The following KIAA0232 variants were observed in gnomAD, a reference collection of about 807,000 sequenced individuals.
KIAA0232 encodes the protein uncharacterized protein KIAA0232.
KIAA0232 carries 27 observed loss-of-function variants against 122.0 expected under a neutral mutation model. The observed-to-expected ratio is 0.22, with a 90% CI of 0.16 to 0.31. KIAA0232 has a LOEUF of 0.31. Ranked by LOEUF, KIAA0232 falls within the 10% of genes least tolerant of loss-of-function variation. The pLI, the probability that KIAA0232 is intolerant of heterozygous loss-of-function variation, is 1.00. For synonymous variants in KIAA0232, 613 were observed against 587.6 expected (o/e 1.04, Z -0.63); for missense variants, 1,551 against 1,634.2 (o/e 0.95, Z 0.88).
chr4:6,802,436 A>G (rs1047337912), intron 1 of KIAA0232, among the ~76,000 whole-genome samples: 1 of 151,926 alleles, frequency 6.6e-6, no homozygotes, highest in Non-Finnish European at 1.5e-5. Flanking sequence ...GTTGGACAAT[A>G]TTTTTCTTAG....
chr4:6,790,999 A>G (rs1716868814), intron 1 of KIAA0232, among the ~76,000 whole-genome samples: 1 of 143,890 alleles, frequency 6.9e-6, no homozygotes, highest in African/African-American at 2.6e-5. Flanking sequence ...GCTTACTGCA[A>G]CCTCCACCTC....
rs1718381355 is a variant in KIAA0232 at position 6,820,677 on chromosome 4, T to A, written c.-269-3508T>A. 1.2e-4 allele frequency among the ~76,000 whole-genome samples: 19 copies of A among 152,232 alleles called. 1 individual carries two copies. In the South Asian group the frequency reaches 3.8e-3, roughly 31 times the overall value. On this transcript the variant is annotated intron_variant, in intron 2 of 9. Coordinates refer to ENST00000307659, the MANE Select transcript of KIAA0232 (RefSeq NM_014743.3). ...AAGCTCTACAATGTTTTGTATTATTTTTGTTTAAGCAATTGTCTTTTAAAG... is the reference window on the plus strand; with the variant it reads ...AAGCTCTACAATGTTTTGTATTATTATTGTTTAAGCAATTGTCTTTTAAAG...
At position 6,858,516 on chromosome 4, in the gene KIAA0232, A is replaced by G. The variant is rs567896161; in HGVS notation, c.518+10A>G. 7 of 1,569,562 alleles carry G rather than the reference A, an allele frequency of 4.5e-6. No homozygotes were observed. The East Asian group carries it at 1.6e-4, about 35-fold the overall frequency. On this transcript the variant is annotated intron_variant, in intron 6 of 9. Transcript: ENST00000307659. The stretch of plus-strand genomic sequence containing the variant: ...AGGATCAAGTGGAAATGTATGTAAG[A>G]TTGTATTCGGTAATAAAGTGTGCAT...
At chr4:6,823,549 A>G (rs1457104253) in intron 2 of KIAA0232, among the ~76,000 whole-genome samples, 4 of 152,248 alleles carry the variant, frequency 2.6e-5, no homozygotes, top group African/African-American at 9.6e-5. Flanking sequence ...TTCGAGCCTT[A>G]CAAAGTAATT....
At chr4:6,859,155 A>G (rs987651419) in intron 6 of KIAA0232, among the ~76,000 whole-genome samples, 1 of 151,564 alleles carries the variant, frequency 6.6e-6, no homozygotes, top group African/African-American at 2.4e-5. Flanking sequence ...ATCCATGTTC[A>G]CAAGCAAGAA....
Position 6,863,757 on chromosome 4 carries a change from A to G in KIAA0232, c.3375A>G (p.Glu1125=). ...CCCCAGGAGGAGGAAGCGAGTCAGA[A>G]TTTGAATCTGAGAAAGATGAAGCAA... ...ELSPGGGSES[E]FESEKDEANI... is the part of the protein sequence containing the mutation. Residue 1125 remains glutamate, a synonymous_variant, in exon 7 of 10, where the codon GAA becomes GAG. Transcript: ENST00000307659. The G allele has an allele frequency of 6.2e-7, 1 of 1,614,212 alleles. No individual in the cohort carries two copies. The highest frequency in any genetic ancestry group is 1.3e-5 in the African/African-American group (1 of 75,060).
rs1720811875 is a variant in KIAA0232, at chr4:6,860,835, A to G, written c.519-66A>G. ...AAATATTCCATTCTTCTGGTTGGTAATGTTGTTTTACTGTATCTAAAAAAT... is the reference window on the plus strand; with the variant it reads ...AAATATTCCATTCTTCTGGTTGGTAGTGTTGTTTTACTGTATCTAAAAAAT... On this transcript the variant is annotated intron_variant, in intron 6 of 9. Transcript: ENST00000307659. The G allele has an allele frequency of 3.8e-6, 5 of 1,327,410 alleles. No individual in the cohort carries two copies. In the South Asian group the frequency reaches 5.5e-5, roughly 15 times the overall value. The allele number at this position is 1,327,410 out of a possible 1,614,324, so 82.2% of individuals were successfully genotyped here.
chr4:6,812,552 C>A (rs1302770672), intron 2 of KIAA0232, among the ~76,000 whole-genome samples: 1 of 152,152 alleles, frequency 6.6e-6, no homozygotes, highest in Non-Finnish European at 1.5e-5. Context: ...CACCAAAATA[C>A]TAACAGTGAA....
rs1327569746 is a variant in KIAA0232, at chr4:6,862,340, T to A, written c.1958T>A (p.Val653Glu). The change falls in exon 7 of 10, where the codon GTG (valine) becomes GAG (glutamate). Residue 653 changes from valine (V) to glutamate (E), a missense_variant. Val to Glu is a moderately radical substitution (Grantham distance 121). Transcript: ENST00000307659. ...AACTCTTGTTTTTCAGTGTTTGAAGTGCAATGCAGTAATTCTGTTTTACCA... is the reference window on the plus strand; with the variant it reads ...AACTCTTGTTTTTCAGTGTTTGAAGAGCAATGCAGTAATTCTGTTTTACCA... ...GINSCFSVFE[V>E]QCSNSVLPFS... 1 of 1,614,062 alleles carries A rather than the reference T, an allele frequency of 6.2e-7. No individual in the cohort carries two copies. The highest frequency in any genetic ancestry group is 8.5e-7 in the Non-Finnish European group (1 of 1,180,034).
chr4:6,878,784 C>G (rs946741473), intron 9 of KIAA0232, among the ~76,000 whole-genome samples: 10 of 152,170 alleles, frequency 6.6e-5, no homozygotes, highest in Admixed American at 1.3e-4. Context: ...CAAGTTGACA[C>G]TCAGTATTAA....
In KIAA0232 at chr4:6,824,350, A is replaced by G. The variant is rs1718568235; in HGVS notation, c.-104A>G. On this transcript the variant is annotated 5_prime_UTR_variant, in exon 3 of 10. Coordinates refer to ENST00000307659, the MANE Select transcript of KIAA0232 (RefSeq NM_014743.3). ...AAAATAAATGCTTATCCTACATGTC[A>G]AGCATCTCTACTTTTTACTGGAGTG... 1.1e-6 allele frequency: 1 copy of G among 937,198 alleles called. No individual in the cohort carries two copies. The highest frequency in any genetic ancestry group is 1.6e-5 in the African/African-American group (1 of 61,990). 58.1% of individuals were successfully genotyped at this position (937,198 alleles called of 1,614,324 possible).
intron 1 of KIAA0232, among the ~76,000 whole-genome samples, chr4:6,787,973 C>A (rs1326158899): frequency 6.6e-6 from 1 of 152,208 alleles, no homozygotes; most frequent in Admixed American, 6.5e-5. Flanking sequence ...TAGGAAATCA[C>A]TGTAAGATCT....
At chr4:6,793,785 TTAATG>T (rs1175381652) in intron 1 of KIAA0232, among the ~76,000 whole-genome samples, 1 of 152,132 alleles carries the variant, frequency 6.6e-6, no homozygotes, top group Non-Finnish European at 1.5e-5. Context: ...GATAAACCAT[TTAATG>T]TAAGCCTCCT....
chr4:6,813,823 C>T (rs1034566342), intron 2 of KIAA0232, among the ~76,000 whole-genome samples: 2 of 152,206 alleles, frequency 1.3e-5, no homozygotes, highest in East Asian at 3.9e-4. Context: ...GCTCTGACTC[C>T]TGGAGACCCA....
At chr4:6,877,955 A>T (rs1721841603) in intron 9 of KIAA0232, among the ~76,000 whole-genome samples, 1 of 152,230 alleles carries the variant, frequency 6.6e-6, no homozygotes, top group Non-Finnish European at 1.5e-5. Context: ...TCAAATAAAG[A>T]CAATAAGGTC....
At chr4:6,814,497 C>G (rs966997702) in intron 2 of KIAA0232, among the ~76,000 whole-genome samples, 1 of 151,828 alleles carries the variant, frequency 6.6e-6, no homozygotes. Context: ...TAATACTAAG[C>G]ATATAAAAAC....
At chr4:6,870,988 T>G (rs1002341808) in intron 7 of KIAA0232, among the ~76,000 whole-genome samples, 1 of 152,186 alleles carries the variant, frequency 6.6e-6, no homozygotes, top group African/African-American at 2.4e-5. Context: ...CTTGGGAGCG[T>G]TTTTATTACA....
intron 7 of KIAA0232, among the ~76,000 whole-genome samples, chr4:6,865,956 G>A (rs562433313): frequency 9.2e-5 from 14 of 152,054 alleles, no homozygotes; most frequent in Admixed American, 3.9e-4. Flanking sequence ...CTTATTTGTC[G>A]CATCAGAGTG....
At chr4:6,830,612 G>A (rs1718921141) in intron 3 of KIAA0232, among the ~76,000 whole-genome samples, 1 of 151,852 alleles carries the variant, frequency 6.6e-6, no homozygotes, top group South Asian at 2.1e-4. Flanking sequence ...TCACCATGTT[G>A]GCCAGGCTGG....
Sources: gnomAD v4.1 joint callset for allele counts (sites outside exome capture counted in the v4.1 genomes callset) on GRCh38, gnomAD v4.1.1 for gene constraint, MANE v1.5 for transcripts, NCBI Gene and HGNC (gene_info 2026-07-23, HGNC 2026-07-21) for gene names.